The following TLE4 variants were observed in gnomAD, a reference collection of about 807,000 sequenced individuals.
TLE4 encodes transducin-like enhancer protein 4.
A neutral mutation model predicts 92.8 loss-of-function variants in TLE4; 8 were observed. That is an observed-to-expected ratio of 0.09 (90% CI 0.05 to 0.16). TLE4 has a LOEUF of 0.16. TLE4 is among the 10% of genes least tolerant of loss of function. The probability of loss-of-function intolerance (pLI) is 1.00; values close to 1 mark genes in which losing one functional copy is unlikely to be tolerated. For synonymous variants in TLE4, 371 were observed against 374.1 expected, an observed-to-expected ratio of 0.99 and a Z score of 0.10; for missense variants, 675 against 997.6, an observed-to-expected ratio of 0.68 and a Z score of 4.36.
rs73652237 is a variant in TLE4 at position 79,706,017 on chromosome 9, C to A, written c.783+75C>A. 543 of 1,324,184 alleles carry A rather than the reference C, an allele frequency of 4.1e-4. 1 individual carries two copies. In the African/African-American group the frequency reaches 7.3e-3, roughly 18 times the overall value. 82.0% of individuals were successfully genotyped at this position (1,324,184 alleles called of 1,614,324 possible). A position where few individuals can be genotyped will look rare whatever the true frequency, so the allele number is the denominator to read the frequency against. On this transcript the variant is annotated intron_variant, in intron 10 of 19. Coordinates refer to ENST00000376552, the MANE Select transcript of TLE4 (RefSeq NM_007005.6). Reference sequence around the variant, plus strand: ...GACTAGTTGCCCAAACAATTAGTATCCAAAATATCTTGAGGTTTGTCGTTT... The same window carrying A: ...GACTAGTTGCCCAAACAATTAGTATACAAAATATCTTGAGGTTTGTCGTTT...
At chr9:79,612,591 A>T in intron 4 of TLE4, 65 bp from the exon 5 acceptor site, 1 of 1,378,972 alleles carries the variant, frequency 7.3e-7, no homozygotes, top group South Asian at 1.2e-5. Flanking sequence ...TCCTGTTAAT[A>T]TTTGGGGAAT....
intron 8 of TLE4, among the ~76,000 whole-genome samples, chr9:79,664,052 G>A (rs1173610075): frequency 6.6e-6 from 1 of 152,202 alleles, no homozygotes; most frequent in Non-Finnish European, 1.5e-5. Flanking sequence ...ATCTTTTTTA[G>A]TTTGTTCTTT....
intron 5 of TLE4, among the ~76,000 whole-genome samples, chr9:79,614,920 C>T (rs2049161294): frequency 1.3e-5 from 2 of 152,056 alleles, no homozygotes; most frequent in African/African-American, 4.8e-5. Flanking sequence ...ATTGGACACC[C>T]GTGATCTATG....
chr9:79,718,757 T>C lies in TLE4; in HGVS notation c.1376T>C (p.Met459Thr). ...YSFHVSADGQ[M>T]QPVPFPPDAL... ...TTCCATGTTAGCGCAGATGGTCAGATGCAGCCTGTCCCTTTTCCACCCGAC... is the reference window on the plus strand; with the variant it reads ...TTCCATGTTAGCGCAGATGGTCAGACGCAGCCTGTCCCTTTTCCACCCGAC... Residue 459 changes from methionine to threonine, a missense_variant, in exon 15 of 20, where the codon ATG becomes ACG. Physicochemically the swap from Met to Thr is moderately conservative, Grantham distance 81. This residue lies in a region of TLE4 where 119 missense variants were observed against 175.9 expected (regional missense o/e 0.68). Transcript: ENST00000376552. 1 of 1,614,190 alleles carries C rather than the reference T, an allele frequency of 6.2e-7. No individual in the cohort carries two copies. Among genetic ancestry groups the C allele is most frequent in the Non-Finnish European group, 8.5e-7 (1 of 1,180,010 alleles).
intron 4 of TLE4, among the ~76,000 whole-genome samples, chr9:79,578,755 A>G (rs1475843230): frequency 6.6e-6 from 1 of 152,224 alleles, no homozygotes; most frequent in Non-Finnish European, 1.5e-5. Flanking sequence ...CCAATTTTTA[A>G]CAATTATGTT....
intron 8 of TLE4, among the ~76,000 whole-genome samples, chr9:79,662,897 G>A (rs1349251268): frequency 6.6e-6 from 1 of 152,066 alleles, no homozygotes; most frequent in Non-Finnish European, 1.5e-5. Flanking sequence ...CTATTCACTG[G>A]CTTTATTTTT....
intron 4 of TLE4, among the ~76,000 whole-genome samples, chr9:79,587,236 A>C (rs2041355041): frequency 6.6e-6 from 1 of 152,126 alleles, no homozygotes; most frequent in African/African-American, 2.4e-5. Flanking sequence ...ACATATTCTG[A>C]GTATCAGCCA....
chr9:79,683,373 A>G (rs7859802), intron 8 of TLE4, among the ~76,000 whole-genome samples: 36,558 of 152,162 alleles, frequency 0.24, 5,090 homozygotes, highest in African/African-American at 0.38. Flanking sequence ...ACTCTTAGGT[A>G]GAATTAAATT....
chr9:79,602,781 A>G (rs2045945234), intron 4 of TLE4, among the ~76,000 whole-genome samples: 1 of 152,198 alleles, frequency 6.6e-6, no homozygotes, highest in Admixed American at 6.5e-5. Context: ...TTTAAGAAAT[A>G]CATTTTGTAA....
intron 8 of TLE4, among the ~76,000 whole-genome samples, chr9:79,659,613 C>A (rs1299805510): frequency 2.0e-5 from 3 of 151,790 alleles, no homozygotes; most frequent in Non-Finnish European, 2.9e-5. Flanking sequence ...TTGTTTTTTG[C>A]CACTCCCTAA....
intron 4 of TLE4, among the ~76,000 whole-genome samples, chr9:79,592,174 TTCCTCTTCC>T (rs1457509036): frequency 1.5e-5 from 2 of 136,156 alleles, no homozygotes; most frequent in African/African-American, 6.0e-5. Flanking sequence ...CTTCTTCCTC[TTCCTCTTCC>T]TCTTCTTCTT....
At chr9:79,699,493 C>A (rs181833257) in intron 8 of TLE4, among the ~76,000 whole-genome samples, 1 of 152,100 alleles carries the variant, frequency 6.6e-6, no homozygotes, top group Non-Finnish European at 1.5e-5. Flanking sequence ...AAGGGCAAAC[C>A]AGGACTTGCA....
At position 79,654,059 on chromosome 9, in the gene TLE4, A is replaced by G; in HGVS notation, c.593A>G (p.Asp198Gly). 4 of 1,613,694 alleles carry G rather than the reference A, an allele frequency of 2.5e-6. No individual in the cohort carries two copies. Among genetic ancestry groups the G allele is most frequent in the Non-Finnish European group, 3.4e-6 (4 of 1,179,806 alleles). The change falls in exon 8 of 20, where the codon GAC becomes GGC. Residue 198 changes from aspartate (D) to glycine (G), a missense_variant and splice_region_variant. This residue lies in a region of TLE4 where 280 missense variants were observed against 287.3 expected (regional missense o/e 0.97). Transcript: ENST00000376552. The stretch of plus-strand genomic sequence containing the variant: ...TGTGTTGCTGCTGTTTTGCATATAG[A>G]CAGAGACTCCATCAAGGTAGGACTC... Reference protein sequence around the residue: ...KKHHDNDHQRDRDSIKSSSVS... With the variant: ...KKHHDNDHQRGRDSIKSSSVS...
chr9:79,628,707 T>C (rs187411673), intron 6 of TLE4, among the ~76,000 whole-genome samples: 9 of 152,100 alleles, frequency 5.9e-5, no homozygotes, highest in African/African-American at 1.9e-4. Flanking sequence ...GAAGAAGCCA[T>C]GTAGAATCAT....
At chr9:79,648,636 A>C (rs1414590780) in intron 6 of TLE4, among the ~76,000 whole-genome samples, 3 of 152,236 alleles carry the variant, frequency 2.0e-5, no homozygotes, top group Non-Finnish European at 4.4e-5. Flanking sequence ...TAAAATAATC[A>C]GCATGTGAGG....
chr9:79,695,814 C>A (rs918873970), intron 8 of TLE4, among the ~76,000 whole-genome samples: 1 of 152,222 alleles, frequency 6.6e-6, no homozygotes, highest in African/African-American at 2.4e-5. Flanking sequence ...GCTAGCCACT[C>A]AGGCTGGGAA....
chr9:79,615,415 G>T (rs537882901), intron 5 of TLE4, among the ~76,000 whole-genome samples: 29 of 152,222 alleles, frequency 1.9e-4, no homozygotes, highest in East Asian at 7.7e-4. Flanking sequence ...TTAAATGATC[G>T]TATTTAGGAA....
intron 6 of TLE4, among the ~76,000 whole-genome samples, chr9:79,637,829 G>GT (rs1296083284): frequency 6.6e-6 from 1 of 151,700 alleles, no homozygotes; most frequent in African/African-American, 2.4e-5. Flanking sequence ...ATTGCTTGCA[G>GT]AATTGCCTGT....
At chr9:79,594,640 A>T (rs1350007329) in intron 4 of TLE4, among the ~76,000 whole-genome samples, 1 of 152,092 alleles carries the variant, frequency 6.6e-6, no homozygotes, top group Admixed American at 6.5e-5. Flanking sequence ...TATTTGCTGT[A>T]GAGAAGAGGG....
Sources: gnomAD v4.1 joint callset for allele counts (sites outside exome capture counted in the v4.1 genomes callset) on GRCh38, gnomAD v4.1.1 for gene constraint, gnomAD v4.1.1 regional missense constraint, MANE v1.5 for transcripts, NCBI Gene and HGNC (gene_info 2026-07-23, HGNC 2026-07-21) for gene names.